Variants in FAT3 observed in about 807,000 individuals in gnomAD.
The protein encoded by FAT3 is protocadherin Fat 3.
Under a neutral mutation model 310.2 loss-of-function variants are expected in FAT3, and 95 were observed. The observed-to-expected ratio is 0.31, with a 90% CI of 0.26 to 0.36. The LOEUF (loss-of-function observed/expected upper bound fraction) is 0.36, where lower values mean the gene tolerates loss of function less well. FAT3 is among the 10% of genes least tolerant of loss of function. FAT3 has a pLI of 1.00. For missense variants in FAT3, 5,408 were observed against 5,715.6 expected (o/e 0.95, Z 1.74); for synonymous variants, 2,314 against 2,192.9 (o/e 1.06, Z -1.54).
intron 3 of FAT3, among the ~76,000 whole-genome samples, chr11:92,665,649 T>C (rs1271266427): frequency 6.6e-6 from 1 of 152,184 alleles, no homozygotes; most frequent in Non-Finnish European, 1.5e-5. Context: ...ACTCTTCTTT[T>C]TCATTTTAGT....
rs1230731830 is a variant in FAT3 at position 92,353,811 on chromosome 11, C to T, written c.1699C>T (p.Arg567Ter). The change falls in exon 2 of 28, where the codon CGA becomes TGA. Residue 567 changes from arginine (R) to a stop codon, truncating the protein, a stop_gained. Transcript: ENST00000525166. LOFTEE classifies it high-confidence loss of function. ...RHESEVNVTIRIGNVNDNSPL... is the reference protein window; with the variant it reads ...RHESEVNVTI ...TGAAAGTGAGGTCAATGTGACTATT[C>T]GAATAGGAAATGTCAACGACAACAG... 1 of 1,613,488 alleles carries T rather than the reference C, an allele frequency of 6.2e-7. No homozygotes were observed. Among genetic ancestry groups the T allele is most frequent in the Non-Finnish European group, 8.5e-7 (1 of 1,179,634 alleles).
rs562123961 is a variant in FAT3 at position 92,682,725 on chromosome 11, G to C, written c.3608-14659G>C. Among the ~76,000 whole-genome samples the C allele has an allele frequency of 1.3e-3, 200 of 152,240 alleles. 1 individual carries two copies. Among genetic ancestry groups the C allele is most frequent in the African/African-American group, 4.6e-3 (191 of 41,560 alleles). Reference sequence around the variant, plus strand: ...CAGTCTTGGGCAAACGGGGATGGTTGGTCACCCAACAAATGTGTTCTGAGA... The same window carrying C: ...CAGTCTTGGGCAAACGGGGATGGTTCGTCACCCAACAAATGTGTTCTGAGA... On this transcript the variant is annotated intron_variant, in intron 3 of 27. Coordinates refer to ENST00000525166, the MANE Select transcript of FAT3 (RefSeq NM_001367949.2).
intron 14 of FAT3, among the ~76,000 whole-genome samples, chr11:92,834,182 A>G (rs1948338497): frequency 6.6e-6 from 1 of 152,216 alleles, no homozygotes; most frequent in Non-Finnish European, 1.5e-5. Flanking sequence ...ACACCCAGCT[A>G]GCTGCTTTCA....
chr11:92,800,229 T>C lies in FAT3; in HGVS notation c.7216T>C (p.Leu2406=), dbSNP rs1296511992. 6.2e-7 allele frequency: 1 copy of C among 1,614,026 alleles called. No homozygotes were observed. The change falls in exon 10 of 28, where the codon TTA becomes CTA. Residue 2406 remains leucine, a synonymous_variant. Coordinates refer to ENST00000525166, the MANE Select transcript of FAT3 (RefSeq NM_001367949.2). ...CATTTATGAGTCATATGTGAGTGAA[T>C]TAGCCCCCCGGGGCCATTTTGTAAC... ...QLIYESYVSE[L]APRGHFVTCV...
intron 2 of FAT3, among the ~76,000 whole-genome samples, chr11:92,446,728 T>C (rs1439712609): frequency 6.6e-6 from 1 of 152,198 alleles, no homozygotes; most frequent in Non-Finnish European, 1.5e-5. Context: ...GCCTATAGGC[T>C]ATATTCGTAA....
At chr11:92,594,724 C>T (rs1235488919) in intron 3 of FAT3, among the ~76,000 whole-genome samples, 1 of 151,996 alleles carries the variant, frequency 6.6e-6, no homozygotes, top group Non-Finnish European at 1.5e-5. Context: ...AACTCGGAGG[C>T]CTTTAGTCAA....
chr11:92,516,429 A>T (rs191522960), intron 2 of FAT3, among the ~76,000 whole-genome samples: 2 of 152,180 alleles, frequency 1.3e-5, no homozygotes, highest in East Asian at 1.9e-4. Flanking sequence ...CCTTCAATAA[A>T]ATTAAACACC....
chr11:92,707,308 A>G (rs1479569902), intron 4 of FAT3, among the ~76,000 whole-genome samples: 1 of 152,214 alleles, frequency 6.6e-6, no homozygotes, highest in African/African-American at 2.4e-5. Context: ...GCACAGGCAG[A>G]TAATTGCTTT....
At chr11:92,832,230 G>T (rs914023216) in intron 14 of FAT3, among the ~76,000 whole-genome samples, 1 of 152,098 alleles carries the variant, frequency 6.6e-6, no homozygotes, top group Admixed American at 6.5e-5. Flanking sequence ...CTACTGCTTG[G>T]GACGTTGAGA....
rs1300794382 is a variant in FAT3, at chr11:92,655,629, G to A, written c.3608-41755G>A. On this transcript the variant is annotated intron_variant, in intron 3 of 27. Coordinates refer to ENST00000525166, the MANE Select transcript of FAT3 (RefSeq NM_001367949.2). ...CTCTTTGTGCTTGGTTCCCCTTGAG[G>A]TACGCCACAAACCTTCCCTGGCCCT... 2.6e-5 allele frequency among the ~76,000 whole-genome samples: 4 copies of A among 151,970 alleles called. No individual in the cohort carries two copies. The East Asian group carries it at 5.8e-4, about 22-fold the overall frequency.
At chr11:92,522,104 C>A (rs762612327) in intron 2 of FAT3, among the ~76,000 whole-genome samples, 61 of 152,132 alleles carry the variant, frequency 4.0e-4, no homozygotes, top group Non-Finnish European at 2.5e-4. Context: ...AGGTGCCTTG[C>A]AGAGACTGCA....
chr11:92,798,140 C>T lies in FAT3; in HGVS notation c.5127C>T (p.Asp1709=), dbSNP rs942200316. 1.9e-6 allele frequency: 3 copies of T among 1,613,822 alleles called. No homozygotes were observed. Among genetic ancestry groups the T allele is most frequent in the African/African-American group, 2.7e-5 (2 of 74,926 alleles). ...TCATTTATGAAGTCAAAGATGGAGA[C>T]ATTAATGGGATCTTTACCATAAATC... is the stretch of plus-strand genomic sequence containing the variant. ...STLIYEVKDG[D]INGIFTINPY... is the part of the protein sequence containing the mutation. The change falls in exon 10 of 28, where the codon GAC becomes GAT. Residue 1709 remains aspartate, a synonymous_variant. Coordinates refer to ENST00000525166, the MANE Select transcript of FAT3 (RefSeq NM_001367949.2).
Position 92,762,177 on chromosome 11 carries a change from T to A in FAT3, c.3984+7T>A. 6.2e-7 allele frequency: 1 copy of A among 1,602,988 alleles called. No homozygotes were observed. The highest frequency in any genetic ancestry group is 8.5e-7 in the Non-Finnish European group (1 of 1,173,418). ...CAGTTATGACATCCTAACGGTAAGA[T>A]CTTCCAAACTCCAGCAGCACAGCAG... On this transcript the variant is annotated splice_region_variant and intron_variant, in intron 5 of 27. Transcript: ENST00000525166.
intron 21 of FAT3, 35 bp downstream of exon 21, chr11:92,859,357 T>C (rs1408397285): frequency 5.3e-6 from 8 of 1,511,832 alleles, no homozygotes; most frequent in African/African-American, 2.8e-5. Flanking sequence ...CTGCAGTCAG[T>C]TCTCATGTTA....
intron 2 of FAT3, among the ~76,000 whole-genome samples, chr11:92,358,889 C>T (rs1948804890): frequency 1.3e-5 from 2 of 152,150 alleles, no homozygotes; most frequent in Non-Finnish European, 1.5e-5. Flanking sequence ...GGTCTAGACT[C>T]TGTTGTCTTT....
intron 4 of FAT3, among the ~76,000 whole-genome samples, chr11:92,756,916 ATTTTTTTTTTTTT>A (rs34317439): frequency 1.1e-5 from 1 of 90,302 alleles, no homozygotes; most frequent in Admixed American, 1.2e-4. Context: ...TTGTGGCTCC[ATTTTTTTTTTTTT>A]TTTTTTTTTT....
At chr11:92,466,090 C>G (rs920205748) in intron 2 of FAT3, among the ~76,000 whole-genome samples, 5 of 152,058 alleles carry the variant, frequency 3.3e-5, no homozygotes, top group African/African-American at 1.2e-4. Context: ...GAAATGGAGG[C>G]TTTAAAAGCT....
chr11:92,699,851 G>T (rs1003551119), intron 4 of FAT3, among the ~76,000 whole-genome samples: 1 of 152,148 alleles, frequency 6.6e-6, no homozygotes, highest in African/African-American at 2.4e-5. Flanking sequence ...TATCATTGTT[G>T]ATTGTTGTGG....
intron 2 of FAT3, among the ~76,000 whole-genome samples, chr11:92,454,838 A>C (rs747172775): frequency 1.3e-5 from 2 of 152,150 alleles, no homozygotes; most frequent in Non-Finnish European, 2.9e-5. Context: ...CTTAACATTT[A>C]CTTTTTTTTT....
Sources: allele counts gnomAD v4.1 joint callset (sites outside exome capture counted in the v4.1 genomes callset), GRCh38; gene constraint gnomAD v4.1.1; transcripts MANE v1.5; gene names NCBI Gene and HGNC (gene_info 2026-07-23, HGNC 2026-07-21).